Variants in DOCK3 observed in about 807,000 individuals in gnomAD.
The protein encoded by DOCK3 is dedicator of cytokinesis 3.
A neutral mutation model predicts 265.6 loss-of-function variants in DOCK3; 60 were observed. The ratio of observed to expected loss-of-function variants is 0.23; its 90% CI spans 0.18 to 0.28. The LOEUF (loss-of-function observed/expected upper bound fraction) is 0.28, where lower values mean the gene tolerates loss of function less well. DOCK3 is among the 10% of genes least tolerant of loss of function. The pLI is 1.00. For missense variants in DOCK3, 1,981 were observed against 2,594.3 expected, an observed-to-expected ratio of 0.76 and a Z score of 5.14; for synonymous variants, 881 against 938.0, an observed-to-expected ratio of 0.94 and a Z score of 1.11.
intron 22 of DOCK3, among the ~76,000 whole-genome samples, chr3:51,257,061 A>G (rs755068662): frequency 3.9e-5 from 6 of 152,214 alleles, no homozygotes; most frequent in Non-Finnish European, 8.8e-5. Flanking sequence ...TTATGGAGGT[A>G]CAGAATTCTG....
At chr3:51,049,821 ACACACACC>A (rs1432727192) in intron 5 of DOCK3, among the ~76,000 whole-genome samples, 4 of 127,996 alleles carry the variant, frequency 3.1e-5, no homozygotes, top group South Asian at 3.0e-4. Context: ...ACACACACAC[ACACACACC>A]CCAAAAAAAC....
intron 9 of DOCK3, among the ~76,000 whole-genome samples, chr3:51,091,703 G>C (rs1426389747): frequency 9.4e-6 from 1 of 105,862 alleles, no homozygotes; most frequent in Non-Finnish European, 2.0e-5. Context: ...AAAAAAAAAA[G>C]ATGGATTGTT....
At chr3:51,298,452 T>C (rs1306387677) in intron 27 of DOCK3, among the ~76,000 whole-genome samples, 1 of 152,220 alleles carries the variant, frequency 6.6e-6, no homozygotes, top group Non-Finnish European at 1.5e-5. Context: ...AGGATGTGCA[T>C]GTTTGTTACA....
In DOCK3 at chr3:50,851,872, T is replaced by A. The variant is rs76381478; in HGVS notation, c.162+10157T>A. Among the ~76,000 whole-genome samples the A allele has an allele frequency of 4.7e-3, 722 of 152,344 alleles. 2 individuals carry two copies. Among genetic ancestry groups the A allele is most frequent in the African/African-American group, 0.016 (672 of 41,580 alleles). ...ATTCCTAGATGGTCATGCTGCCAGA[T>A]TGCCAAAGAATGGCTTTGTATGCAC... is the stretch of plus-strand genomic sequence containing the variant. On this transcript the variant is annotated intron_variant, in intron 3 of 52. Coordinates refer to ENST00000266037, the MANE Select transcript of DOCK3 (RefSeq NM_004947.5).
At chr3:50,869,061 G>C (rs2047295598) in intron 3 of DOCK3, among the ~76,000 whole-genome samples, 1 of 146,426 alleles carries the variant, frequency 6.8e-6, no homozygotes, top group Non-Finnish European at 1.5e-5. Context: ...TGCAAGCTCT[G>C]CCTCCCGGGT....
chr3:51,045,527 A>T (rs1361408789), intron 5 of DOCK3, among the ~76,000 whole-genome samples: 2 of 152,318 alleles, frequency 1.3e-5, no homozygotes, highest in African/African-American at 4.8e-5. Context: ...GGAACAATGG[A>T]GCTGATAGAC....
At chr3:51,175,053 T>C (rs1353744651) in intron 12 of DOCK3, among the ~76,000 whole-genome samples, 3 of 152,162 alleles carry the variant, frequency 2.0e-5, no homozygotes, top group Non-Finnish European at 4.4e-5. Context: ...CTGAGAATGC[T>C]CCTGCCAGGT....
At chr3:51,122,971 C>A (rs76393166) in intron 9 of DOCK3, among the ~76,000 whole-genome samples, 2,156 of 152,308 alleles carry the variant, frequency 0.014, 25 homozygotes, top group Non-Finnish European at 0.024. Context: ...CTGTCTCAAG[C>A]CCAGATTAAA....
chr3:51,250,227 C>G (rs1576539930), intron 22 of DOCK3, among the ~76,000 whole-genome samples: 1 of 150,470 alleles, frequency 6.6e-6, no homozygotes, highest in East Asian at 2.0e-4. Context: ...TCCTATGACC[C>G]TGCCAAATCC....
intron 3 of DOCK3, among the ~76,000 whole-genome samples, chr3:50,844,475 C>T (rs1462990582): frequency 2.0e-5 from 3 of 152,218 alleles, no homozygotes; most frequent in African/African-American, 7.2e-5. Flanking sequence ...TCTGCCTCAG[C>T]CTCCCAAAGT....
intron 1 of DOCK3, among the ~76,000 whole-genome samples, chr3:50,687,863 A>G (rs2034941604): frequency 2.0e-5 from 3 of 152,322 alleles, no homozygotes; most frequent in South Asian, 2.1e-4. Context: ...CTAGTTGGCA[A>G]CAAAGGTGCA....
At chr3:51,263,543 A>T (rs1409874488) in intron 23 of DOCK3, among the ~76,000 whole-genome samples, 3 of 152,224 alleles carry the variant, frequency 2.0e-5, no homozygotes, top group African/African-American at 7.2e-5. Context: ...TAGCATCATA[A>T]TGACAGGATG....
At chr3:51,202,475 T>C (rs1474969575) in intron 12 of DOCK3, among the ~76,000 whole-genome samples, 18 of 151,944 alleles carry the variant, frequency 1.2e-4, no homozygotes, top group Admixed American at 1.2e-3. Context: ...CAGGAAGAAG[T>C]TGAATCTCTG....
rs2088690742 is a variant in DOCK3 at position 51,382,159 on chromosome 3, C to G, written c.*600C>G. 6.6e-6 allele frequency: 1 copy of G among 152,554 alleles called. No individual in the cohort carries two copies. Among genetic ancestry groups the G allele is most frequent in the Non-Finnish European group, 1.5e-5 (1 of 68,090 alleles). The allele number at this position is 152,554 out of a possible 1,614,324, so 9.5% of individuals were successfully genotyped here. ...GGCTGGCTGGACCAACCTGCTGGCTCAGGCATGTGACTGGCCTAACTGCAT... is the reference window on the plus strand; with the variant it reads ...GGCTGGCTGGACCAACCTGCTGGCTGAGGCATGTGACTGGCCTAACTGCAT... On this transcript the variant is annotated 3_prime_UTR_variant, in exon 53 of 53. Coordinates refer to ENST00000266037, the MANE Select transcript of DOCK3 (RefSeq NM_004947.5).
At chr3:51,302,389 A>G (rs1278497897) in intron 27 of DOCK3, among the ~76,000 whole-genome samples, 1 of 152,124 alleles carries the variant, frequency 6.6e-6, no homozygotes, top group Non-Finnish European at 1.5e-5. Context: ...ACAGTTTGCC[A>G]TTCTGTGTCT....
intron 38 of DOCK3, 72 bp downstream of exon 38, chr3:51,341,457 G>T (rs1299000067): frequency 1.9e-6 from 3 of 1,579,074 alleles, no homozygotes; most frequent in Non-Finnish European, 2.6e-6. Flanking sequence ...ACACCATAGG[G>T]TTAACAGCAG....
chr3:51,375,945 T>C (rs1021408898), intron 51 of DOCK3, 110 bp downstream of exon 51: 59 of 1,061,432 alleles, frequency 5.6e-5, no homozygotes, highest in Non-Finnish European at 8.0e-5. Context: ...AACACTCAGG[T>C]CTGTCCGTCT....
intron 5 of DOCK3, among the ~76,000 whole-genome samples, chr3:50,975,107 C>T (rs2077391127): frequency 6.6e-6 from 1 of 150,732 alleles, no homozygotes; most frequent in Admixed American, 6.6e-5. Context: ...TTGACTTCCT[C>T]TTTTCCTAAT....
chr3:51,338,481 G>A, intron 36 of DOCK3, 62 bp downstream of exon 36: 1 of 1,540,632 alleles, frequency 6.5e-7, no homozygotes. Context: ...CCTGCACTGT[G>A]ATTGGCTTGG....
Sources: allele counts gnomAD v4.1 joint callset (sites outside exome capture counted in the v4.1 genomes callset), GRCh38; gene constraint gnomAD v4.1.1; transcripts MANE v1.5; gene names NCBI Gene and HGNC (gene_info 2026-07-23, HGNC 2026-07-21).